MERTK: variants seen among roughly 807,000 people sequenced by gnomAD.
MERTK encodes MER proto-oncogene, tyrosine kinase.
MERTK carries 69 observed loss-of-function variants against 99.3 expected under a neutral mutation model. The observed-to-expected ratio is 0.70, with a 90% CI of 0.57 to 0.85. The LOEUF (loss-of-function observed/expected upper bound fraction) is 0.85, where lower values mean the gene tolerates loss of function less well. MERTK is among the 40% of genes least tolerant of loss of function. The pLI is 0.00. For missense variants in MERTK, 1,125 were observed against 1,249.4 expected, an observed-to-expected ratio of 0.90 and a Z score of 1.50; for synonymous variants, 426 against 467.6, an observed-to-expected ratio of 0.91 and a Z score of 1.15.
intron 1 of MERTK, among the ~76,000 whole-genome samples, chr2:111,921,051 G>C (rs753712510): frequency 8.5e-5 from 13 of 152,174 alleles, no homozygotes; most frequent in Non-Finnish European, 1.2e-4. Context: ...AGCTAGCTGT[G>C]GGGGTAAAGG....
At chr2:111,928,416 C>T (rs915331509) in intron 1 of MERTK, among the ~76,000 whole-genome samples, 2 of 148,196 alleles carry the variant, frequency 1.3e-5, no homozygotes, top group Admixed American at 6.7e-5. Context: ...TTTTTTTTTT[C>T]GAACCTCAAT....
chr2:111,997,076 G>A, intron 9 of MERTK: 1 of 623,752 alleles, frequency 1.6e-6, no homozygotes, highest in Non-Finnish European at 2.9e-6. Flanking sequence ...GTATATACCT[G>A]TGGAGTACAG....
At chr2:111,902,325 A>C (rs865879365) in intron 1 of MERTK, among the ~76,000 whole-genome samples, 7 of 152,258 alleles carry the variant, frequency 4.6e-5, no homozygotes, top group African/African-American at 1.4e-4. Flanking sequence ...GCTGGGTAGA[A>C]AAACTGAGCT....
chr2:111,986,614 A>G (rs1476590889), intron 8 of MERTK, among the ~76,000 whole-genome samples: 1 of 152,204 alleles, frequency 6.6e-6, no homozygotes, highest in African/African-American at 2.4e-5. Context: ...CTGTGGCTGG[A>G]GAGCCTTGTG....
At chr2:112,007,854 GTT>G (rs35007634) in intron 13 of MERTK, among the ~76,000 whole-genome samples, 2 of 148,514 alleles carry the variant, frequency 1.3e-5, no homozygotes, top group African/African-American at 2.5e-5. Flanking sequence ...TGGTGTTGGG[GTT>G]TTTTTTTTGG....
At chr2:111,973,764 T>C (rs999188903) in intron 6 of MERTK, among the ~76,000 whole-genome samples, 1 of 151,930 alleles carries the variant, frequency 6.6e-6, no homozygotes, top group Admixed American at 6.6e-5. Flanking sequence ...CTCTCCCTTA[T>C]CCCCATACCC....
chr2:111,929,144 C>G lies in MERTK; in HGVS notation c.86C>G (p.Ala29Gly), dbSNP rs1206954845. Residue 29 changes from alanine to glycine, a missense_variant, in exon 2 of 19, where the codon GCC (alanine) becomes GGC (glycine). Physicochemically the swap from Ala to Gly is moderately conservative, Grantham distance 60. Transcript: ENST00000295408. ...RRAITEAREEAKPYPLFPGPF... is the reference protein window; with the variant it reads ...RRAITEAREEGKPYPLFPGPF... ...GCTATCACTGAGGCAAGGGAAGAAGCCAAGCCTTACCCGCTATTCCCGGGA... is the reference window on the plus strand; with the variant it reads ...GCTATCACTGAGGCAAGGGAAGAAGGCAAGCCTTACCCGCTATTCCCGGGA... The G allele has an allele frequency of 5.6e-6, 9 of 1,614,054 alleles. No homozygotes were observed. Among genetic ancestry groups the G allele is most frequent in the African/African-American group, 1.3e-5 (1 of 74,914 alleles).
intron 15 of MERTK, 33 bp from the exon 16 acceptor site, chr2:112,019,380 A>C (rs781042318): frequency 9.8e-6 from 15 of 1,531,474 alleles, no homozygotes; most frequent in Non-Finnish European, 3.6e-6. Flanking sequence ...TTTTTAAAAG[A>C]TAGTCTTTCT....
chr2:111,992,159 A>C (rs1676633476), intron 8 of MERTK, among the ~76,000 whole-genome samples: 2 of 152,276 alleles, frequency 1.3e-5, no homozygotes, highest in South Asian at 2.1e-4. Context: ...GGAGCCACGC[A>C]CAGAGAGGCC....
intron 1 of MERTK, among the ~76,000 whole-genome samples, chr2:111,912,641 A>G (rs1348865159): frequency 6.6e-6 from 1 of 152,170 alleles, no homozygotes; most frequent in Admixed American, 6.6e-5. Context: ...GATCTGGACT[A>G]AGATATTTCT....
chr2:112,016,683 C>G (rs1054449368), intron 15 of MERTK, among the ~76,000 whole-genome samples: 3 of 152,060 alleles, frequency 2.0e-5, no homozygotes, highest in Non-Finnish European at 4.4e-5. Flanking sequence ...TCATGGAGAT[C>G]GATAGTACAA....
intron 4 of MERTK, among the ~76,000 whole-genome samples, chr2:111,963,515 C>T (rs995554639): frequency 2.6e-5 from 4 of 152,174 alleles, no homozygotes; most frequent in Non-Finnish European, 5.9e-5. Context: ...TGCGGCCTTC[C>T]GCAGTGTTTG....
intron 6 of MERTK, among the ~76,000 whole-genome samples, chr2:111,973,971 C>T (rs1285079459): frequency 6.9e-6 from 1 of 144,836 alleles, no homozygotes; most frequent in Non-Finnish European, 1.5e-5. Flanking sequence ...GGCAAATGAC[C>T]CTTTGCTATA....
Position 111,929,156 on chromosome 2 carries a change from C to A in MERTK, c.98C>A (p.Pro33Gln), listed in dbSNP as rs144751432. Reference sequence around the variant, plus strand: ...GCAAGGGAAGAAGCCAAGCCTTACCCGCTATTCCCGGGACCTTTTCCAGGG... The same window carrying A: ...GCAAGGGAAGAAGCCAAGCCTTACCAGCTATTCCCGGGACCTTTTCCAGGG... Reference protein sequence around the residue: ...TEAREEAKPYPLFPGPFPGSL... With the variant: ...TEAREEAKPYQLFPGPFPGSL... The change falls in exon 2 of 19, where the codon CCG becomes CAG. Residue 33 changes from proline (P) to glutamine (Q), a missense_variant. Transcript: ENST00000295408. 1 of 1,614,152 alleles carries A rather than the reference C, an allele frequency of 6.2e-7. No homozygotes were observed. Among genetic ancestry groups the A allele is most frequent in the Non-Finnish European group, 8.5e-7 (1 of 1,180,028 alleles).
At chr2:111,942,940 G>C (rs183357333) in intron 2 of MERTK, among the ~76,000 whole-genome samples, 25 of 152,294 alleles carry the variant, frequency 1.6e-4, no homozygotes, top group Admixed American at 1.6e-3. Flanking sequence ...AAATGGTATT[G>C]TTGGGAAGAA....
chr2:111,912,637 G>C (rs1322395235), intron 1 of MERTK, among the ~76,000 whole-genome samples: 1 of 152,114 alleles, frequency 6.6e-6, no homozygotes, highest in African/African-American at 2.4e-5. Flanking sequence ...GGGAGATCTG[G>C]ACTAAGATAT....
At chr2:112,021,973 A>AG (rs1232759939) in intron 17 of MERTK, among the ~76,000 whole-genome samples, 1 of 152,094 alleles carries the variant, frequency 6.6e-6, no homozygotes, top group African/African-American at 2.4e-5. Context: ...GAGATAAGGA[A>AG]AAAAAAGCAC....
At position 112,010,725 on chromosome 2, in the gene MERTK, A is replaced by G. The variant is rs1677082370; in HGVS notation, c.2079+659A>G. 3.3e-5 allele frequency among the ~76,000 whole-genome samples: 5 copies of G among 152,088 alleles called. No homozygotes were observed. In the South Asian group the frequency reaches 1.0e-3, roughly 32 times the overall value. On this transcript the variant is annotated intron_variant, in intron 15 of 18. Coordinates refer to ENST00000295408, the MANE Select transcript of MERTK (RefSeq NM_006343.3). ...AGCCACTGGGGACATTGTATCTTTC[A>G]TTTCCTAGGCCTCCTTATCTGAAAC... is the stretch of plus-strand genomic sequence containing the variant.
Position 111,944,986 on chromosome 2 carries a change from A to G in MERTK, c.509A>G (p.Asn170Ser), listed in dbSNP as rs1684938363. ...ATAACCAGTGTGCAGCGTTCAGACAATGGGTCGTATATCTGTAAGATGAAA... is the reference window on the plus strand; with the variant it reads ...ATAACCAGTGTGCAGCGTTCAGACAGTGGGTCGTATATCTGTAAGATGAAA... ...FSITSVQRSD[N>S]GSYICKMKIN... Residue 170 changes from asparagine to serine, a missense_variant, in exon 3 of 19, where the codon AAT (asparagine) becomes AGT (serine). Asn to Ser is a conservative substitution (Grantham distance 46, BLOSUM62 1). Transcript: ENST00000295408. 1 of 1,613,528 alleles carries G rather than the reference A, an allele frequency of 6.2e-7. No homozygotes were observed.
Sources: allele counts gnomAD v4.1 joint callset (sites outside exome capture counted in the v4.1 genomes callset), GRCh38; gene constraint gnomAD v4.1.1; transcripts MANE v1.5; gene names NCBI Gene and HGNC (gene_info 2026-07-23, HGNC 2026-07-21).